ACACA: variants seen among roughly 807,000 people sequenced by gnomAD.
The protein encoded by ACACA is acetyl-CoA carboxylase 1.
In ACACA, 103 loss-of-function variants were observed where a neutral mutation model predicts 296.1. That is an observed-to-expected ratio of 0.35 (90% CI 0.30 to 0.41). The LOEUF is 0.41. ACACA is among the 10% of genes least tolerant of loss of function. The pLI is 1.00. For missense variants in ACACA, 1,554 were observed against 2,989.7 expected (o/e 0.52, Z 11.20); for synonymous variants, 953 against 1,038.6 (o/e 0.92, Z 1.58).
intron 1 of ACACA, among the ~76,000 whole-genome samples, chr17:37,393,096 A>C (rs2050950325): frequency 6.8e-6 from 1 of 147,828 alleles, no homozygotes; most frequent in Non-Finnish European, 1.5e-5. Context: ...GAGCCCCGAG[A>C]TCTCACCATT....
chr17:37,198,237 G>C (rs771789788), intron 35 of ACACA, among the ~76,000 whole-genome samples: 1 of 152,304 alleles, frequency 6.6e-6, no homozygotes, highest in South Asian at 2.1e-4. Flanking sequence ...AAATTTTAGT[G>C]AACAGTTTTA....
chr17:37,399,206 C>T (rs1365763619), intron 1 of ACACA, among the ~76,000 whole-genome samples: 2 of 151,582 alleles, frequency 1.3e-5, no homozygotes, highest in African/African-American at 2.4e-5. Context: ...GTCTCGAACT[C>T]CTGATCTCAA....
intron 3 of ACACA, among the ~76,000 whole-genome samples, chr17:37,286,578 C>G (rs2082784141): frequency 6.6e-6 from 1 of 152,186 alleles, no homozygotes; most frequent in African/African-American, 2.4e-5. Context: ...TATTTCCCAG[C>G]TGTTATCAGT....
intron 3 of ACACA, among the ~76,000 whole-genome samples, chr17:37,291,143 T>TACACACACAC (rs71159701): frequency 0.034 from 4,616 of 136,886 alleles, 145 homozygotes; most frequent in African/African-American, 0.09. Flanking sequence ...GAAAAACACA[T>TACACACACAC]ACACACACAC....
intron 30 of ACACA, 105 bp from the exon 31 acceptor site, chr17:37,207,905 C>A: frequency 2.2e-6 from 3 of 1,385,964 alleles, no homozygotes; most frequent in Non-Finnish European, 3.1e-6. Flanking sequence ...GAAGTAGGGT[C>A]AGGTTGCAGA....
chr17:37,200,400 A>T (rs2078192645), intron 34 of ACACA, 27 bp downstream of exon 34: 2 of 1,575,056 alleles, frequency 1.3e-6, no homozygotes, highest in East Asian at 4.5e-5. Context: ...AAGAAATATT[A>T]AAGAGGTACA....
chr17:37,233,535 A>G (rs975319042), intron 25 of ACACA, among the ~76,000 whole-genome samples: 3 of 152,184 alleles, frequency 2.0e-5, no homozygotes, highest in African/African-American at 7.2e-5. Flanking sequence ...ATCACAATAA[A>G]AAGAAAAACT....
At chr17:37,218,282 G>A (rs1463276751) in intron 29 of ACACA, among the ~76,000 whole-genome samples, 2 of 151,942 alleles carry the variant, frequency 1.3e-5, no homozygotes, top group African/African-American at 4.8e-5. Flanking sequence ...AGTTTATATT[G>A]AGATATGCTG....
At position 37,224,966 on chromosome 17, in the gene ACACA, T is replaced by TTA. The variant is rs200129602; in HGVS notation, c.3474+24_3474+25dup. On this transcript the variant is annotated intron_variant, in intron 27 of 55. Transcript: ENST00000616317. Reference sequence around the variant, plus strand: ...AAGAGTCCAGATAGGCAGGAAAGGGTTATATATATATATATATATATATAC... The same window carrying TTA: ...AAGAGTCCAGATAGGCAGGAAAGGGTTATATATATATATATATATATATATAC... The TTA allele has an allele frequency of 0.11, 96,522 of 904,530 alleles. 2,919 individuals carry two copies. The highest frequency in any genetic ancestry group is 0.27 in the East Asian group (8,257 of 30,728). 56.0% of individuals were successfully genotyped at this position (904,530 alleles called of 1,614,324 possible). A position where few individuals can be genotyped will look rare whatever the true frequency, so the allele number is the denominator to read the frequency against.
intron 26 of ACACA, 117 bp downstream of exon 26, chr17:37,226,222 C>T (rs1598241878): frequency 8.3e-6 from 7 of 847,794 alleles, no homozygotes; most frequent in East Asian, 2.4e-5. Context: ...AAACGTGACA[C>T]ATATATAGAA....
rs75678328 is a variant in ACACA at position 37,133,004 on chromosome 17, T to C, written c.5680-2786A>G. 4.6e-5 allele frequency among the ~76,000 whole-genome samples: 7 copies of C among 152,314 alleles called. No homozygotes were observed. The East Asian group carries it at 9.6e-4, about 21-fold the overall frequency. On this transcript the variant is annotated intron_variant, in intron 45 of 55. Transcript: ENST00000616317. Reference sequence around the variant, plus strand: ...CAGCAGTATTTCTACATCTCTCCTTTCCTATGTTTAGAAGAAACCTAACCA... The same window carrying C: ...CAGCAGTATTTCTACATCTCTCCTTCCCTATGTTTAGAAGAAACCTAACCA...
At chr17:37,386,268 A>G (rs578227680) in intron 1 of ACACA, 220 of 601,814 alleles carry the variant, frequency 3.7e-4, no homozygotes, top group Non-Finnish European at 6.0e-4. Flanking sequence ...ATGTACATTG[A>G]AAAATCATTC....
At chr17:37,144,502 A>C in intron 45 of ACACA, 1 of 233,792 alleles carries the variant, frequency 4.3e-6, no homozygotes, top group Non-Finnish European at 8.5e-6. Flanking sequence ...GTGGGTGAGC[A>C]TGGAGACTAC....
intron 54 of ACACA, among the ~76,000 whole-genome samples, 155 bp downstream of exon 54, chr17:37,096,841 G>C (rs1198739195): frequency 6.6e-6 from 1 of 152,156 alleles, no homozygotes; most frequent in African/African-American, 2.4e-5. Context: ...TGACATGTTA[G>C]GGGGAGTAGC....
chr17:37,295,855 G>A, intron 3 of ACACA, among the ~76,000 whole-genome samples: 1 of 152,046 alleles, frequency 6.6e-6, no homozygotes, highest in East Asian at 1.9e-4. Context: ...AACCCGGGAG[G>A]CAAAGGTTTC....
chr17:37,104,735 A>T (rs894318125), intron 52 of ACACA, among the ~76,000 whole-genome samples: 1 of 152,190 alleles, frequency 6.6e-6, no homozygotes, highest in Non-Finnish European at 1.5e-5. Context: ...GGAGGCCAGG[A>T]GTTTGAGACC....
intron 25 of ACACA, among the ~76,000 whole-genome samples, chr17:37,231,288 T>C (rs913326931): frequency 3.3e-5 from 5 of 151,286 alleles, no homozygotes; most frequent in African/African-American, 2.4e-5. Flanking sequence ...ATAGTCCAAC[T>C]TGATCTTAGA....
intron 38 of ACACA, among the ~76,000 whole-genome samples, chr17:37,190,467 C>G (rs1168692701): frequency 1.3e-5 from 2 of 151,892 alleles, no homozygotes; most frequent in South Asian, 2.1e-4. Context: ...TTAGAGGGAG[C>G]AGAAACAGAG....
intron 1 of ACACA, among the ~76,000 whole-genome samples, chr17:37,389,751 C>T (rs896235244): frequency 3.3e-5 from 5 of 151,562 alleles, no homozygotes; most frequent in African/African-American, 1.2e-4. Context: ...CTAGGAGATT[C>T]GTCCCTAAGA....
Sources: allele counts gnomAD v4.1 joint callset (sites outside exome capture counted in the v4.1 genomes callset), GRCh38; gene constraint gnomAD v4.1.1; transcripts MANE v1.5; gene names NCBI Gene and HGNC (gene_info 2026-07-23, HGNC 2026-07-21).